CNTNAP2: variants seen among roughly 807,000 people sequenced by gnomAD.
CNTNAP2 encodes the protein contactin-associated protein-like 2.
CNTNAP2 carries 98 observed loss-of-function variants against 155.2 expected under a neutral mutation model. The observed-to-expected ratio is 0.63, with a 90% CI of 0.54 to 0.75. The LOEUF (loss-of-function observed/expected upper bound fraction) is 0.75, where lower values mean the gene tolerates loss of function less well. Among genes scored for constraint, CNTNAP2 ranks in the 30% least tolerant of loss-of-function variants. The pLI, the probability that CNTNAP2 is intolerant of heterozygous loss-of-function variation, is 0.00. For missense variants in CNTNAP2, 1,727 were observed against 1,688.1 expected (o/e 1.02, Z -0.40); for synonymous variants, 651 against 631.2 (o/e 1.03, Z -0.47).
At chr7:147,773,600 A>G (rs1797510417) in intron 13 of CNTNAP2, among the ~76,000 whole-genome samples, 1 of 152,198 alleles carries the variant, frequency 6.6e-6, no homozygotes, top group Non-Finnish European at 1.5e-5. Flanking sequence ...TCAAACTATA[A>G]AGAAACTGGA....
intron 1 of CNTNAP2, among the ~76,000 whole-genome samples, chr7:146,545,407 AGGT>A: frequency 6.6e-6 from 1 of 151,884 alleles, no homozygotes. Context: ...TTTGTTACAT[AGGT>A]ATACACTTGT....
intron 2 of CNTNAP2, among the ~76,000 whole-genome samples, chr7:146,784,195 G>A (rs1442726543): frequency 6.6e-6 from 1 of 152,096 alleles, no homozygotes; most frequent in African/African-American, 2.4e-5. Context: ...TCCCCTTTGT[G>A]TACCAAATTC....
At chr7:147,646,426 A>C (rs1308751580) in intron 13 of CNTNAP2, among the ~76,000 whole-genome samples, 1 of 152,216 alleles carries the variant, frequency 6.6e-6, no homozygotes, top group Admixed American at 6.5e-5. Context: ...TTAATGAATT[A>C]AATTTTTTCT....
At chr7:148,061,984 T>TAAAC (rs1803157950) in intron 15 of CNTNAP2, among the ~76,000 whole-genome samples, 2 of 130,974 alleles carry the variant, frequency 1.5e-5, no homozygotes, top group African/African-American at 3.2e-5. Context: ...GATAGATAGA[T>TAAAC]AGATAGATAG....
chr7:146,350,202 G>A (rs7809498), intron 1 of CNTNAP2, among the ~76,000 whole-genome samples: 12,629 of 151,694 alleles, frequency 0.083, 1,138 homozygotes, highest in African/African-American at 0.22. Context: ...TTCCCTTCTC[G>A]CTTCATTTCA....
At chr7:147,604,813 A>G (rs1801030440) in intron 12 of CNTNAP2, among the ~76,000 whole-genome samples, 1 of 152,172 alleles carries the variant, frequency 6.6e-6, no homozygotes, top group East Asian at 1.9e-4. Flanking sequence ...CAAACTCTGA[A>G]AACCACCCTC....
At chr7:147,477,317 A>G (rs1241840501) in intron 10 of CNTNAP2, among the ~76,000 whole-genome samples, 1 of 152,196 alleles carries the variant, frequency 6.6e-6, no homozygotes, top group African/African-American at 2.4e-5. Context: ...CAAACTGAAA[A>G]TGCCACTGAT....
At position 146,855,273 on chromosome 7, in the gene CNTNAP2, C is replaced by A. The variant is rs576613278; in HGVS notation, c.402+15369C>A. Among the ~76,000 whole-genome samples, 3 of 152,166 alleles carry A rather than the reference C, an allele frequency of 2.0e-5. No individual in the cohort carries two copies. In the East Asian group the frequency reaches 5.8e-4, roughly 29 times the overall value. ...AACAATAGCTATAGAGGGGGATTGG[C>A]AATACCCAGCAGAACTAAAAATGCA... is the stretch of plus-strand genomic sequence containing the variant. On this transcript the variant is annotated intron_variant, in intron 3 of 23. Coordinates refer to ENST00000361727, the MANE Select transcript of CNTNAP2 (RefSeq NM_014141.6).
At chr7:146,620,198 A>C (rs1039547560) in intron 1 of CNTNAP2, among the ~76,000 whole-genome samples, 2 of 152,168 alleles carry the variant, frequency 1.3e-5, no homozygotes, top group Non-Finnish European at 2.9e-5. Flanking sequence ...AAAGAACTTA[A>C]GCAGGGAGAA....
intron 16 of CNTNAP2, among the ~76,000 whole-genome samples, chr7:148,145,328 G>A (rs59190469): frequency 0.013 from 1,948 of 152,230 alleles, 42 homozygotes; most frequent in African/African-American, 0.044. Context: ...AGAAATAGGG[G>A]ATCTATTGGG....
At chr7:146,842,897 G>A (rs1372548937) in intron 3 of CNTNAP2, among the ~76,000 whole-genome samples, 1 of 149,750 alleles carries the variant, frequency 6.7e-6, no homozygotes, top group African/African-American at 2.5e-5. Flanking sequence ...GAGTTAGCCA[G>A]GATGGTCTCC....
intron 4 of CNTNAP2, 122 bp from the exon 5 acceptor site, chr7:147,108,025 G>T: frequency 1.2e-6 from 1 of 837,706 alleles, no homozygotes; most frequent in South Asian, 1.6e-5. Context: ...GAAAAACAGA[G>T]GACTGTCAAT....
At chr7:147,438,001 GT>G (rs941695989) in intron 10 of CNTNAP2, among the ~76,000 whole-genome samples, 3 of 151,976 alleles carry the variant, frequency 2.0e-5, no homozygotes, top group Non-Finnish European at 4.4e-5. Flanking sequence ...AGTTCTAATA[GT>G]TTTTTTGTGT....
chr7:147,348,568 C>T (rs1795917428), intron 9 of CNTNAP2, among the ~76,000 whole-genome samples: 1 of 151,862 alleles, frequency 6.6e-6, no homozygotes. Context: ...AGTACAGCCA[C>T]TCCAGAAAAA....
intron 13 of CNTNAP2, among the ~76,000 whole-genome samples, chr7:147,775,319 ATATT>A (rs1405405902): frequency 0.013 from 450 of 34,090 alleles, 22 homozygotes; most frequent in African/African-American, 0.13. Flanking sequence ...AAATATATAT[ATATT>A]TATATATATT....
chr7:146,597,174 T>G (rs566524576), intron 1 of CNTNAP2, among the ~76,000 whole-genome samples: 1 of 152,194 alleles, frequency 6.6e-6, no homozygotes, highest in East Asian at 1.9e-4. Flanking sequence ...TCATCACTGG[T>G]CTTTTATCAT....
Position 148,227,929 on chromosome 7 carries a change from GTGTGTGA to G in CNTNAP2, c.3248-1716_3248-1710del, listed in dbSNP as rs1460256349. Among the ~76,000 whole-genome samples, 341 of 150,510 alleles carry G rather than the reference GTGTGTGA, an allele frequency of 2.3e-3. 2 individuals carry two copies. The highest frequency in any genetic ancestry group is 7.7e-3 in the African/African-American group (316 of 40,876). The stretch of plus-strand genomic sequence containing the variant: ...TGTGTGTGTGTGTGTGTGTGTGTGT[GTGTGTGA>G]AAGTCTGGAAGGAGCTACTCCCAAG... On this transcript the variant is annotated intron_variant, in intron 19 of 23. Coordinates refer to ENST00000361727, the MANE Select transcript of CNTNAP2 (RefSeq NM_014141.6).
In CNTNAP2 at chr7:146,386,546, G is replaced by T. The variant is rs953760519; in HGVS notation, c.97+269573G>T. Reference sequence around the variant, plus strand: ...TGGGATTACAGGCGCCTGCCACCATGCCTGGCTAATTTTGGTGTTTCAGTA... The same window carrying T: ...TGGGATTACAGGCGCCTGCCACCATTCCTGGCTAATTTTGGTGTTTCAGTA... On this transcript the variant is annotated intron_variant, in intron 1 of 23. Transcript: ENST00000361727. Among the ~76,000 whole-genome samples the T allele has an allele frequency of 1.2e-4, 18 of 152,036 alleles. 1 individual carries two copies. Among genetic ancestry groups the T allele is most frequent in the Non-Finnish European group, 2.9e-5 (2 of 68,004 alleles).
At chr7:148,031,664 G>T (rs1802478331) in intron 15 of CNTNAP2, among the ~76,000 whole-genome samples, 1 of 152,148 alleles carries the variant, frequency 6.6e-6, no homozygotes, top group Admixed American at 6.5e-5. Context: ...TCGGCCCAGG[G>T]TCAGTGGTGT....
Sources: gnomAD v4.1 joint callset for allele counts (sites outside exome capture counted in the v4.1 genomes callset) on GRCh38, gnomAD v4.1.1 for gene constraint, MANE v1.5 for transcripts, NCBI Gene and HGNC (gene_info 2026-07-23, HGNC 2026-07-21) for gene names.